MYOC: variants seen among roughly 807,000 people sequenced by gnomAD.
The protein encoded by MYOC is juvenile-onset open-angle glaucoma 1.
MYOC carries 29 observed loss-of-function variants against 28.2 expected under a neutral mutation model. That is an observed-to-expected ratio of 1.03 (90% CI 0.77 to 1.40). The LOEUF is 1.40. MYOC is among the 40% of genes most tolerant of loss of function. The probability of loss-of-function intolerance (pLI) is 0.00; values close to 1 mark genes in which losing one functional copy is unlikely to be tolerated. For missense variants in MYOC, 569 were observed against 620.6 expected (o/e 0.92, Z 0.88); for synonymous variants, 240 against 245.6 (o/e 0.98, Z 0.21).
In MYOC at chr1:171,636,281, C is replaced by G. The variant is rs1652918332; in HGVS notation, c.1159G>C (p.Gly387Arg). ...TCGGTGCTGTAAATGACCCAGAGGC[C>G]TGCTTCATCCACAGCCAAGTCAATG... The part of the protein sequence containing the change: ...TDIDLAVDEA[G>R]LWVIYSTDEA... Residue 387 changes from glycine to arginine, a missense_variant, in exon 3 of 3, where the codon GGC becomes CGC. Transcript: ENST00000037502. 6.2e-7 allele frequency: 1 copy of G among 1,613,986 alleles called. No individual in the cohort carries two copies. Among genetic ancestry groups the G allele is most frequent in the African/African-American group, 1.3e-5 (1 of 74,906 alleles).
intron 1 of MYOC, among the ~76,000 whole-genome samples, chr1:171,639,766 C>T (rs926908563): frequency 1.3e-5 from 2 of 150,780 alleles, no homozygotes; most frequent in South Asian, 2.1e-4. Flanking sequence ...GCCTGGCCAG[C>T]GTGGTGAAAT....
chr1:171,651,352 AC>A (rs1251283686), intron 1 of MYOC, among the ~76,000 whole-genome samples: 8 of 124,816 alleles, frequency 6.4e-5, no homozygotes, highest in Non-Finnish European at 1.4e-4. Context: ...CACCCCCCCC[AC>A]ACACACACAG....
At chr1:171,642,613 TAA>T (rs34213125) in intron 1 of MYOC, among the ~76,000 whole-genome samples, 2 of 141,770 alleles carry the variant, frequency 1.4e-5, no homozygotes, top group Admixed American at 7.1e-5. Context: ...GACCCTGTCT[TAA>T]AAAAAAAAAA....
intron 1 of MYOC, among the ~76,000 whole-genome samples, chr1:171,643,997 G>A (rs761223717): frequency 6.8e-6 from 1 of 147,406 alleles, no homozygotes; most frequent in Non-Finnish European, 1.5e-5. Flanking sequence ...AAAAAAAGGA[G>A]TTGGTTTCAG....
chr1:171,641,740 G>A (rs1653080456), intron 1 of MYOC, among the ~76,000 whole-genome samples: 1 of 152,188 alleles, frequency 6.6e-6, no homozygotes, highest in Non-Finnish European at 1.5e-5. Context: ...TCTGCCCTTT[G>A]AGCAACTTGT....
chr1:171,642,931 G>A (rs971130336), intron 1 of MYOC, among the ~76,000 whole-genome samples: 2 of 150,318 alleles, frequency 1.3e-5, no homozygotes, highest in Non-Finnish European at 3.0e-5. Context: ...TGCCCTTAAG[G>A]AAATCATAAT....
rs1652990103 is a variant in MYOC at position 171,638,619 on chromosome 1, GAGAT to G, written c.704_707del (p.Tyr235SerfsTer13). ...TACCGGTGTCTCCCTCTCCACTCCT[GAGAT>G]AGCCAGATGGGCTCTCCTTCAAAAT... On this transcript the variant is annotated frameshift_variant, in exon 2 of 3. Coordinates refer to ENST00000037502, the MANE Select transcript of MYOC (RefSeq NM_000261.2). LOFTEE classifies it low-confidence loss of function (END_TRUNC). 1.2e-6 allele frequency: 2 copies of G among 1,614,034 alleles called. No homozygotes were observed. The highest frequency in any genetic ancestry group is 1.3e-5 in the African/African-American group (1 of 74,940).
chr1:171,642,473 T>TCC (rs1030342841), intron 1 of MYOC, among the ~76,000 whole-genome samples: 3 of 151,616 alleles, frequency 2.0e-5, no homozygotes, highest in Admixed American at 2.0e-4. Flanking sequence ...GTTAGCTGGG[T>TCC]GTGGTGGTGC....
chr1:171,636,741 A>C, intron 2 of MYOC, 32 bp from the exon 3 acceptor site: 1 of 1,593,322 alleles, frequency 6.3e-7, no homozygotes, highest in Non-Finnish European at 8.5e-7. Flanking sequence ...ACGAAGCACC[A>C]CTTAATCCAT....
Position 171,638,705 on chromosome 1 carries a change from C to A in MYOC, c.622G>T (p.Asp208Tyr). Residue 208 changes from aspartate to tyrosine, a missense_variant, in exon 2 of 3, where the codon GAC becomes TAC. Transcript: ENST00000037502. ...TTCAGTTCCTGGAAGGCCAAAGTGT[C>A]CAAATTCCACGTAGAAACTGCATTA... The part of the protein sequence containing the change: ...GSREVSTWNL[D>Y]TLAFQELKSE... The A allele has an allele frequency of 6.2e-7, 1 of 1,614,114 alleles. No homozygotes were observed. Among genetic ancestry groups the A allele is most frequent in the South Asian group, 1.1e-5 (1 of 91,072 alleles).
intron 1 of MYOC, among the ~76,000 whole-genome samples, chr1:171,644,376 A>G (rs235874): frequency 0.76 from 114,807 of 151,784 alleles, 43,824 homozygotes; most frequent in African/African-American, 0.86. Context: ...ATTTAATTTA[A>G]CAACTTACCG....
intron 1 of MYOC, among the ~76,000 whole-genome samples, chr1:171,649,834 A>G (rs1441114347): frequency 1.3e-5 from 2 of 152,204 alleles, no homozygotes; most frequent in South Asian, 4.1e-4. Flanking sequence ...TCAGAGGAAG[A>G]GGCCAGAATT....
Position 171,635,977 on chromosome 1 carries a change from G to A in MYOC, c.1463C>T (p.Ala488Val), listed in dbSNP as rs776513776. ...DYNPLEKKLF[A>V]WDNLNMVTYD... ...AGTGACCATGTTCAAGTTGTCCCAGGCAAAGAGCTTCTTCTCCAGGGGGTT... is the reference window on the plus strand; with the variant it reads ...AGTGACCATGTTCAAGTTGTCCCAGACAAAGAGCTTCTTCTCCAGGGGGTT... The change falls in exon 3 of 3, where the codon GCC (alanine) becomes GTC (valine). Residue 488 changes from alanine (A) to valine (V), a missense_variant. Coordinates refer to ENST00000037502, the MANE Select transcript of MYOC (RefSeq NM_000261.2). 1.9e-6 allele frequency: 3 copies of A among 1,614,158 alleles called. No individual in the cohort carries two copies. Among genetic ancestry groups the A allele is most frequent in the East Asian group, 4.5e-5 (2 of 44,882 alleles).
intron 1 of MYOC, among the ~76,000 whole-genome samples, chr1:171,643,968 CAAAAAAAAAAAAAA>C (rs145167337): frequency 3.4e-5 from 3 of 89,454 alleles, no homozygotes; most frequent in African/African-American, 1.4e-4. Context: ...GACTCTGTCT[CAAAAAAAAAAAAAA>C]AAAAAAAAAA....
In MYOC at chr1:171,652,412, G is replaced by T. The variant is rs1330854720; in HGVS notation, c.200C>A (p.Ala67Asp). 1.9e-6 allele frequency: 3 copies of T among 1,614,144 alleles called. No individual in the cohort carries two copies. The South Asian group carries it at 3.3e-5, about 18-fold the overall frequency. The change falls in exon 1 of 3, where the codon GCC becomes GAC. Residue 67 changes from alanine (A) to aspartate (D), a missense_variant. By Grantham distance (126) the Ala-to-Asp change is moderately radical (BLOSUM62 -2). Transcript: ENST00000037502. ...CTGTAAGTTATGGATGACTGACATG[G>T]CCTGGCTCTGCTCTGGGCAGCTGGA... ...NESSCPEQSQ[A>D]MSVIHNLQRD...
intron 1 of MYOC, among the ~76,000 whole-genome samples, chr1:171,648,207 A>C (rs1189527531): frequency 6.7e-6 from 1 of 149,696 alleles, no homozygotes; most frequent in Non-Finnish European, 1.5e-5. Context: ...AAAAAAAATC[A>C]GTCTGCAAGA....
rs1177625094 is a variant in MYOC at position 171,636,689 on chromosome 1, C to T, written c.751G>A (p.Val251Ile). The T allele has an allele frequency of 2.5e-6, 4 of 1,602,538 alleles. No individual in the cohort carries two copies. Among genetic ancestry groups the T allele is most frequent in the African/African-American group, 1.3e-5 (1 of 74,916 alleles). The change falls in exon 3 of 3, where the codon GTA becomes ATA. Residue 251 changes from valine to isoleucine, a missense_variant. Coordinates refer to ENST00000037502, the MANE Select transcript of MYOC (RefSeq NM_000261.2). ...GTTCTCAGCGTGAGAGGCTCTCCTA[C>T]CCAAACTAGTTCTCCACATCCTGGT... ...GDTGCGELVW[V>I]GEPLTLRTAE...
At chr1:171,641,465 AC>A (rs1653075735) in intron 1 of MYOC, among the ~76,000 whole-genome samples, 1 of 152,104 alleles carries the variant, frequency 6.6e-6, no homozygotes, top group African/African-American at 2.4e-5. Context: ...ATTGTCTGGT[AC>A]CAGGCCCTGG....
At chr1:171,636,827 C>T (rs1411896457) in intron 2 of MYOC, 118 bp from the exon 3 acceptor site, 31 of 1,154,508 alleles carry the variant, frequency 2.7e-5, no homozygotes, top group Middle Eastern at 3.8e-4. Context: ...GGAGACAAAT[C>T]GTCTGGGTTT....
Sources: allele counts gnomAD v4.1 joint callset (sites outside exome capture counted in the v4.1 genomes callset), GRCh38; gene constraint gnomAD v4.1.1; transcripts MANE v1.5; gene names NCBI Gene and HGNC (gene_info 2026-07-23, HGNC 2026-07-21).